RAPGEF4: variants seen among roughly 807,000 people sequenced by gnomAD.
RAPGEF4 encodes RAP guanine-nucleotide-exchange factor (GEF) 4.
RAPGEF4 carries 66 observed loss-of-function variants against 147.9 expected under a neutral mutation model. That is an observed-to-expected ratio of 0.45 (90% CI 0.37 to 0.55). The LOEUF is 0.55. RAPGEF4 is among the 20% of genes least tolerant of loss of function. The probability of loss-of-function intolerance (pLI) is 0.00; values close to 1 mark genes in which losing one functional copy is unlikely to be tolerated. For synonymous variants in RAPGEF4, 419 were observed against 442.7 expected (o/e 0.95, Z 0.67); for missense variants, 1,071 against 1,257.3 (o/e 0.85, Z 2.24).
chr2:173,005,211 A>G (rs1694309535), intron 17 of RAPGEF4, among the ~76,000 whole-genome samples: 1 of 152,144 alleles, frequency 6.6e-6, no homozygotes, highest in South Asian at 2.1e-4. Flanking sequence ...ACACACTTTA[A>G]ATTCCTAAAA....
chr2:172,832,512 A>C (rs990630707), intron 4 of RAPGEF4, among the ~76,000 whole-genome samples: 3 of 152,282 alleles, frequency 2.0e-5, no homozygotes, highest in Middle Eastern at 3.4e-3. Context: ...GTAAAGAAAA[A>C]CCCACATTTT....
At chr2:172,904,549 TC>T (rs1294511619) in intron 4 of RAPGEF4, among the ~76,000 whole-genome samples, 4 of 152,118 alleles carry the variant, frequency 2.6e-5, no homozygotes, top group Non-Finnish European at 1.5e-5. Context: ...AAAATTACAC[TC>T]ATACCAGTGA....
At chr2:172,837,139 G>A (rs900107895) in intron 4 of RAPGEF4, among the ~76,000 whole-genome samples, 5 of 152,078 alleles carry the variant, frequency 3.3e-5, no homozygotes, top group African/African-American at 1.2e-4. Flanking sequence ...GTGTGTGTGT[G>A]TATACATTTT....
chr2:172,804,195 A>T (rs1362167675), intron 3 of RAPGEF4, among the ~76,000 whole-genome samples: 1 of 152,192 alleles, frequency 6.6e-6, no homozygotes, highest in Non-Finnish European at 1.5e-5. Context: ...TCAAGAATAC[A>T]TGGGGTGTAA....
chr2:172,968,456 T>C (rs1255052252), intron 10 of RAPGEF4, among the ~76,000 whole-genome samples: 15 of 152,142 alleles, frequency 9.9e-5, no homozygotes, highest in Admixed American at 9.8e-4. Context: ...CACAGTAGCC[T>C]CTCTGAAGGC....
At chr2:172,857,591 A>G (rs899411290) in intron 4 of RAPGEF4, among the ~76,000 whole-genome samples, 6 of 152,220 alleles carry the variant, frequency 3.9e-5, no homozygotes, top group African/African-American at 1.4e-4. Flanking sequence ...CATCTTACAT[A>G]GAAACTGGTG....
At chr2:172,746,597 G>A (rs1056240548) in intron 1 of RAPGEF4, among the ~76,000 whole-genome samples, 2 of 151,902 alleles carry the variant, frequency 1.3e-5, no homozygotes, top group South Asian at 4.1e-4. Context: ...ATGACTTGCT[G>A]TATAGAAATA....
intron 4 of RAPGEF4, among the ~76,000 whole-genome samples, chr2:172,911,106 T>C (rs768554166): frequency 5.9e-5 from 9 of 152,196 alleles, no homozygotes; most frequent in Non-Finnish European, 1.2e-4. Context: ...CTCCCAGAGT[T>C]GTTCCTGTTA....
intron 6 of RAPGEF4, among the ~76,000 whole-genome samples, chr2:172,938,465 C>G (rs1328147861): frequency 2.0e-5 from 3 of 152,086 alleles, no homozygotes; most frequent in Non-Finnish European, 4.4e-5. Flanking sequence ...TGCCTGGGCC[C>G]CCATGGGAAA....
chr2:172,964,073 T>C (rs1467428042), intron 8 of RAPGEF4, among the ~76,000 whole-genome samples: 2 of 152,164 alleles, frequency 1.3e-5, no homozygotes, highest in Admixed American at 6.5e-5. Context: ...CCAAATGAAA[T>C]TGATTTTATG....
At chr2:172,975,644 A>G (rs1327471001) in intron 10 of RAPGEF4, among the ~76,000 whole-genome samples, 2 of 152,244 alleles carry the variant, frequency 1.3e-5, no homozygotes, top group Admixed American at 6.5e-5. Context: ...ACCACAAAAT[A>G]TGGATAATCT....
At chr2:172,770,652 T>C (rs6755658) in intron 1 of RAPGEF4, among the ~76,000 whole-genome samples, 1,845 of 152,304 alleles carry the variant, frequency 0.012, 35 homozygotes, top group African/African-American at 0.038. Context: ...CAGCATGTAT[T>C]ATGGTGGCAT....
intron 1 of RAPGEF4, among the ~76,000 whole-genome samples, chr2:172,794,347 CAAA>C (rs59850502): frequency 9.8e-6 from 1 of 101,936 alleles, no homozygotes; most frequent in Admixed American, 1.1e-4. Flanking sequence ...AACTCCATCT[CAAA>C]AAAAAAAAAA....
intron 27 of RAPGEF4, among the ~76,000 whole-genome samples, chr2:173,035,128 C>T (rs1475963172): frequency 6.6e-6 from 1 of 151,800 alleles, no homozygotes; most frequent in Non-Finnish European, 1.5e-5. Context: ...AATCATGACT[C>T]ATTGCAGCCT....
intron 1 of RAPGEF4, among the ~76,000 whole-genome samples, chr2:172,772,100 G>A (rs1683676058): frequency 6.6e-6 from 1 of 151,838 alleles, no homozygotes; most frequent in African/African-American, 2.4e-5. Context: ...TTAGCTGGGT[G>A]TGGTGGCATA....
rs148873303 is a variant in RAPGEF4, at chr2:172,908,894, G to A, written c.445-8908G>A. Among the ~76,000 whole-genome samples the A allele has an allele frequency of 2.2e-3, 332 of 152,256 alleles. 1 individual carries two copies. The highest frequency in any genetic ancestry group is 7.4e-3 in the African/African-American group (308 of 41,548). ...AATGACCCAACTGATTAGCAGTAAG[G>A]AGCCAAGCCGGCCAAGTGCTTCTAA... On this transcript the variant is annotated intron_variant, in intron 4 of 30. Transcript: ENST00000397081.
chr2:173,001,993 C>CA (rs11397728), intron 17 of RAPGEF4, among the ~76,000 whole-genome samples: 2,469 of 79,264 alleles, frequency 0.031, 172 homozygotes, highest in African/African-American at 0.098. Flanking sequence ...GTGATGCTGG[C>CA]AAAAAAAAAA....
chr2:172,927,954 G>A (rs922931370), intron 6 of RAPGEF4, among the ~76,000 whole-genome samples: 20 of 152,176 alleles, frequency 1.3e-4, no homozygotes, highest in African/African-American at 4.8e-4. Context: ...AAATGCTGAA[G>A]CTTTGAAAAT....
intron 10 of RAPGEF4, among the ~76,000 whole-genome samples, chr2:172,982,518 C>CA: frequency 6.6e-6 from 1 of 152,068 alleles, no homozygotes; most frequent in East Asian, 1.9e-4. Flanking sequence ...CAGAAAGCAA[C>CA]AAAAAATTCA....
Sources: allele counts gnomAD v4.1 joint callset (sites outside exome capture counted in the v4.1 genomes callset), GRCh38; gene constraint gnomAD v4.1.1; transcripts MANE v1.5; gene names NCBI Gene and HGNC (gene_info 2026-07-23, HGNC 2026-07-21).